Variants in ASAP1 observed in about 807,000 individuals in gnomAD.
ASAP1 encodes the protein ArfGAP with SH3 domain, ankyrin repeat and PH domain 1.
Under a neutral mutation model 145.2 loss-of-function variants are expected in ASAP1, and 43 were observed. The observed-to-expected ratio is 0.30, with a 90% CI of 0.23 to 0.38. ASAP1 has a LOEUF of 0.38. ASAP1 is among the 10% of genes least tolerant of loss of function. The pLI is 1.00. For missense variants in ASAP1, 1,018 were observed against 1,355.3 expected (o/e 0.75, Z 3.91); for synonymous variants, 546 against 515.5 (o/e 1.06, Z -0.80).
intron 1 of ASAP1, among the ~76,000 whole-genome samples, chr8:130,415,436 C>G (rs1296854621): frequency 6.6e-6 from 1 of 152,108 alleles, no homozygotes; most frequent in African/African-American, 2.4e-5. Context: ...CCACTGCACT[C>G]CAGTCTGGGC....
At chr8:130,151,207 C>T (rs982295771) in intron 13 of ASAP1, among the ~76,000 whole-genome samples, 5 of 151,348 alleles carry the variant, frequency 3.3e-5, no homozygotes, top group African/African-American at 7.3e-5. Flanking sequence ...CCTGTCTCTA[C>T]TAAAAATACA....
At chr8:130,279,592 TCAAA>T (rs959816352) in intron 3 of ASAP1, among the ~76,000 whole-genome samples, 2 of 152,202 alleles carry the variant, frequency 1.3e-5, no homozygotes, top group Admixed American at 1.3e-4. Context: ...CTGTGTGATC[TCAAA>T]CAAGAAACTA....
intron 25 of ASAP1, among the ~76,000 whole-genome samples, chr8:130,089,084 C>G (rs1333435761): frequency 6.6e-6 from 1 of 152,188 alleles, no homozygotes; most frequent in Non-Finnish European, 1.5e-5. Context: ...GGCAAGGAAA[C>G]AGCCACTGTG....
chr8:130,169,248 G>A (rs936929239), intron 9 of ASAP1, among the ~76,000 whole-genome samples, 181 bp from the exon 10 acceptor site: 6 of 151,990 alleles, frequency 3.9e-5, no homozygotes, highest in African/African-American at 1.5e-4. Context: ...AACTAATTAC[G>A]GCATTTTATA....
At chr8:130,081,361 G>A (rs2097480034) in intron 25 of ASAP1, among the ~76,000 whole-genome samples, 1 of 152,198 alleles carries the variant, frequency 6.6e-6, no homozygotes, top group Non-Finnish European at 1.5e-5. Flanking sequence ...CCAAGCTGCA[G>A]GCACCCAGGA....
chr8:130,284,951 CA>C (rs1161244615), intron 3 of ASAP1, among the ~76,000 whole-genome samples: 1 of 151,752 alleles, frequency 6.6e-6, no homozygotes, highest in Non-Finnish European at 1.5e-5. Flanking sequence ...TGGCTGCCCA[CA>C]AAGATTGGTC....
At chr8:130,123,365 G>A (rs575117318) in intron 18 of ASAP1, among the ~76,000 whole-genome samples, 2 of 152,072 alleles carry the variant, frequency 1.3e-5, no homozygotes, top group African/African-American at 2.4e-5. Flanking sequence ...TTTTTGCCAG[G>A]CTAAAAGGAA....
At chr8:130,310,985 T>C (rs1423152139) in intron 3 of ASAP1, among the ~76,000 whole-genome samples, 2 of 152,216 alleles carry the variant, frequency 1.3e-5, no homozygotes, top group Non-Finnish European at 2.9e-5. Context: ...CTGATGAAGC[T>C]CCTCTTTAGC....
In ASAP1 at chr8:130,089,907, C is replaced by A. The variant is rs184382735; in HGVS notation, c.2572+2066G>T. On this transcript the variant is annotated intron_variant, in intron 25 of 29. Coordinates refer to ENST00000518721, the MANE Select transcript of ASAP1 (RefSeq NM_018482.4). ...ACAATCAAAAGTCCATGCCATGTGG[C>A]GAACTGTCACTGTGGCCGAGGACAG... Among the ~76,000 whole-genome samples, 351 of 152,156 alleles carry A rather than the reference C, an allele frequency of 2.3e-3. 1 individual carries two copies. The highest frequency in any genetic ancestry group is 8.3e-3 in the African/African-American group (345 of 41,510).
chr8:130,138,836 C>CAAAAAA (rs754901058), intron 13 of ASAP1, among the ~76,000 whole-genome samples: 1 of 81,430 alleles, frequency 1.2e-5, no homozygotes, highest in African/African-American at 4.7e-5. Context: ...AACTCCGTCT[C>CAAAAAA]AAAAAAAAAA....
At chr8:130,180,081 GGAAAGA>G (rs1030679738) in intron 8 of ASAP1, among the ~76,000 whole-genome samples, 3 of 147,826 alleles carry the variant, frequency 2.0e-5, no homozygotes, top group Non-Finnish European at 3.0e-5. Context: ...AGGGGAAGGG[GGAAAGA>G]GAAAGAGAAG....
chr8:130,376,355 A>G (rs887905608), intron 2 of ASAP1, among the ~76,000 whole-genome samples: 3 of 152,226 alleles, frequency 2.0e-5, no homozygotes, highest in Non-Finnish European at 4.4e-5. Context: ...CTATAGGACA[A>G]GGCCCAGTCA....
intron 23 of ASAP1, 25 bp downstream of exon 23, chr8:130,115,603 A>G (rs2097554301): frequency 6.4e-7 from 1 of 1,561,874 alleles, no homozygotes; most frequent in East Asian, 2.2e-5. Flanking sequence ...GTTGTTGAGA[A>G]TTCGAGGACA....
chr8:130,091,213 C>G (rs1180650428), intron 25 of ASAP1, among the ~76,000 whole-genome samples: 2 of 152,144 alleles, frequency 1.3e-5, no homozygotes, highest in Non-Finnish European at 2.9e-5. Flanking sequence ...AGAACAAGAC[C>G]AAGACAAGGT....
chr8:130,387,551 A>C (rs1487538655), intron 2 of ASAP1, among the ~76,000 whole-genome samples: 2 of 151,856 alleles, frequency 1.3e-5, no homozygotes, highest in Admixed American at 1.3e-4. Flanking sequence ...AAAAAAAAAA[A>C]AAAGCACAGG....
intron 25 of ASAP1, among the ~76,000 whole-genome samples, chr8:130,088,511 T>C (rs1415050946): frequency 2.0e-5 from 3 of 152,082 alleles, no homozygotes; most frequent in Non-Finnish European, 2.9e-5. Flanking sequence ...GAGATGACCA[T>C]GAAGGCAGAG....
chr8:130,358,523 G>C lies in ASAP1; in HGVS notation c.60-380C>G, dbSNP rs1226047306. ...CCGGCCGGCCGCTGGGGCGTGCGCG[G>C]GCTGGGCGGCTGGGGCGCCCGGCGC... On this transcript the variant is annotated intron_variant, in intron 2 of 29. Coordinates refer to ENST00000518721, the MANE Select transcript of ASAP1 (RefSeq NM_018482.4). The surrounding 1 kb of genome is among the most constrained non-coding windows in gnomAD (Gnocchi z 4.1). 1.4e-5 allele frequency among the ~76,000 whole-genome samples: 2 copies of C among 147,842 alleles called. No individual in the cohort carries two copies. The highest frequency in any genetic ancestry group is 3.0e-5 in the Non-Finnish European group (2 of 66,294).
intron 1 of ASAP1, among the ~76,000 whole-genome samples, chr8:130,439,883 A>G (rs1335708904): frequency 2.0e-5 from 3 of 152,144 alleles, no homozygotes. Flanking sequence ...GCCTGCCTGA[A>G]ATCTCCACAG....
intron 9 of ASAP1, among the ~76,000 whole-genome samples, chr8:130,174,756 T>TTG (rs1010719492): frequency 6.6e-6 from 1 of 152,254 alleles, no homozygotes; most frequent in Non-Finnish European, 1.5e-5. Flanking sequence ...ATGCCATCTT[T>TTG]TGTGTCTGGC....
Sources: gnomAD v4.1 joint callset for allele counts (sites outside exome capture counted in the v4.1 genomes callset) on GRCh38, gnomAD v4.1.1 for gene constraint, Gnocchi (gnomAD v3.1) non-coding constraint, MANE v1.5 for transcripts, NCBI Gene and HGNC (gene_info 2026-07-23, HGNC 2026-07-21) for gene names.